The following TRMT11 variants were observed in gnomAD, a reference collection of about 807,000 sequenced individuals.
The protein encoded by TRMT11 is tRNA (guanine(10)-N(2))-methyltransferase TRMT11.
TRMT11 carries 53 observed loss-of-function variants against 62.8 expected under a neutral mutation model. That is an observed-to-expected ratio of 0.84 (90% confidence interval 0.68 to 1.06). The LOEUF (loss-of-function observed/expected upper bound fraction) is 1.06. TRMT11 is among the 50% of genes least tolerant of loss of function. TRMT11 has a pLI of 0.00. For missense variants in TRMT11, 556 were observed against 553.4 expected (o/e 1.00, Z -0.05); for synonymous variants, 188 against 190.3 (o/e 0.99, Z 0.10).
chr6:126,063,115 T>C (rs1490596808), intron 17 of TRMT11, among the ~76,000 whole-genome samples: 1 of 152,218 alleles, frequency 6.6e-6, no homozygotes, highest in Non-Finnish European at 1.5e-5. Context: ...AGTGAAAGTA[T>C]TCCAATGTCA....
At position 126,072,775 on chromosome 6, in the gene TRMT11, A is replaced by G. The variant is rs77011932; in HGVS notation, c.*1437+19585A>G. Among the ~76,000 whole-genome samples the G allele has an allele frequency of 5.1e-3, 782 of 152,260 alleles. 23 individuals carry two copies. The East Asian group carries it at 0.07, about 14-fold the overall frequency. On this transcript the variant is annotated intron_variant and NMD_transcript_variant, in intron 17 of 22. Coordinates refer to the TRMT11 transcript ENST00000648977. ...CAGATGTGTCTTATTGTATCCTCAC[A>G]TGGCAGAGAGCAGAGATCCTCTCTC...
chr6:126,023,703 G>A (rs1484462332), intron 12 of TRMT11, among the ~76,000 whole-genome samples: 1 of 152,092 alleles, frequency 6.6e-6, no homozygotes, highest in Admixed American at 6.5e-5. Context: ...ATAATATGTT[G>A]TATGTTGAAT....
chr6:126,206,785 C>A (rs113237189), downstream of TRMT11, among the ~76,000 whole-genome samples: 510 of 152,308 alleles, frequency 3.3e-3, 3 homozygotes, highest in African/African-American at 0.012. Context: ...TTAATCATTT[C>A]TTTAAGGGAA....
chr6:126,160,249 T>A (rs1778173392), intron 21 of TRMT11, among the ~76,000 whole-genome samples: 1 of 152,138 alleles, frequency 6.6e-6, no homozygotes, highest in Non-Finnish European at 1.5e-5. Flanking sequence ...CCTCACAAAG[T>A]GATTATATGC....
chr6:126,151,971 T>TTC, intron 21 of TRMT11, among the ~76,000 whole-genome samples: 1 of 83,110 alleles, frequency 1.2e-5, no homozygotes, highest in Non-Finnish European at 2.7e-5. Flanking sequence ...CTTTCTTTCC[T>TTC]CTCTCTCTCC....
chr6:126,085,777 C>A (rs868206861), intron 17 of TRMT11, among the ~76,000 whole-genome samples: 1 of 152,136 alleles, frequency 6.6e-6, no homozygotes, highest in Non-Finnish European at 1.5e-5. Context: ...TGTCAGTATA[C>A]GTTTGTCCAA....
At chr6:126,270,557 G>A in the TRMT11 span, among the ~76,000 whole-genome samples, 1 of 152,020 alleles carries the variant, frequency 6.6e-6, no homozygotes, top group Non-Finnish European at 1.5e-5. Flanking sequence ...TAAAAGTATT[G>A]TATCAATGTT....
At chr6:126,196,266 G>A (rs1223875634) in intron 1 of TRMT11, among the ~76,000 whole-genome samples, 3 of 152,064 alleles carry the variant, frequency 2.0e-5, no homozygotes, top group Admixed American at 6.5e-5. Context: ...GAAAACACAC[G>A]AAACAAGGAG....
chr6:126,100,347 C>G (rs1269757818), intron 17 of TRMT11, among the ~76,000 whole-genome samples: 2 of 152,160 alleles, frequency 1.3e-5, no homozygotes, highest in Non-Finnish European at 2.9e-5. Flanking sequence ...ATTTCAATAG[C>G]TGGAACCAAA....
chr6:126,006,611 C>T (rs1793394341), intron 7 of TRMT11, among the ~76,000 whole-genome samples: 1 of 148,862 alleles, frequency 6.7e-6, no homozygotes, highest in South Asian at 2.1e-4. Context: ...TTTTTTTTAG[C>T]ACCCCTTCTT....
In TRMT11 at chr6:126,045,771, C is replaced by T. The variant is rs569159183; in HGVS notation, c.*1369+4926C>T. On this transcript the variant is annotated intron_variant and NMD_transcript_variant, in intron 16 of 22. Transcript: ENST00000648977. ...AATCATTAGAACTTTGGCTGTTTTG[C>T]TTGGGACATATGGTGGCAGGGCACA... Among the ~76,000 whole-genome samples, 16 of 152,162 alleles carry T rather than the reference C, an allele frequency of 1.1e-4. 1 individual carries two copies. In the Middle Eastern group the frequency reaches 0.01, roughly 97 times the overall value.
chr6:126,127,551 C>A (rs1453187113), intron 21 of TRMT11, among the ~76,000 whole-genome samples: 2 of 151,596 alleles, frequency 1.3e-5, no homozygotes, highest in African/African-American at 4.8e-5. Context: ...ATGTGCACAA[C>A]GTGCAGGTTT....
Position 126,066,173 on chromosome 6 carries a change from C to T in TRMT11, c.*1437+12983C>T, listed in dbSNP as rs1461467955. Among the ~76,000 whole-genome samples, 3 of 152,338 alleles carry T rather than the reference C, an allele frequency of 2.0e-5. No individual in the cohort carries two copies. The South Asian group carries it at 6.2e-4, about 32-fold the overall frequency. ...CTCACTTTGAGCGCCAGGACCAAAG[C>T]TGACCTCTGCCTCCAGGCCAGGGTG... On this transcript the variant is annotated intron_variant and NMD_transcript_variant, in intron 17 of 22. Transcript: ENST00000648977.
chr6:126,035,519 T>G (rs1775023775), intron 12 of TRMT11, among the ~76,000 whole-genome samples: 1 of 152,140 alleles, frequency 6.6e-6, no homozygotes, highest in East Asian at 1.9e-4. Flanking sequence ...CTCTACTACC[T>G]GGGAAATAAG....
At chr6:126,102,754 T>C (rs1028542810) in intron 17 of TRMT11, among the ~76,000 whole-genome samples, 1 of 152,106 alleles carries the variant, frequency 6.6e-6, no homozygotes, top group Non-Finnish European at 1.5e-5. Context: ...TCTCTTCTAG[T>C]AAGTATAAAA....
In TRMT11 at chr6:126,038,875, G is replaced by T; in HGVS notation, c.*39G>T. On this transcript the variant is annotated 3_prime_UTR_variant, in exon 13 of 13. Coordinates refer to ENST00000334379, the MANE Select transcript of TRMT11 (RefSeq NM_001031712.3). ...GACAATGAAGAAAGAATAAGAATTT[G>T]ATTTAAAAAGACATCTGGATGTGAA... 6.5e-7 allele frequency: 1 copy of T among 1,533,174 alleles called. No individual in the cohort carries two copies. The highest frequency in any genetic ancestry group is 1.2e-5 in the South Asian group (1 of 80,418). 95.0% of individuals were successfully genotyped at this position (1,533,174 alleles called of 1,614,324 possible). A position where few individuals can be genotyped will look rare whatever the true frequency, so the allele number is the denominator to read the frequency against.
intron 7 of TRMT11, among the ~76,000 whole-genome samples, chr6:126,006,055 A>G (rs1440107296): frequency 2.0e-5 from 3 of 152,098 alleles, no homozygotes; most frequent in African/African-American, 7.2e-5. Context: ...AAATGGGGAG[A>G]AAAAGAGAAG....
chr6:126,183,904 C>T (rs1220429313), intron 1 of TRMT11, among the ~76,000 whole-genome samples: 3 of 152,200 alleles, frequency 2.0e-5, no homozygotes, highest in Admixed American at 1.3e-4. Context: ...TAGTGCGAGT[C>T]GCAGCTCTAG....
upstream of TRMT11, among the ~76,000 whole-genome samples, chr6:126,174,583 T>G (rs1240061332): frequency 6.6e-6 from 1 of 152,258 alleles, no homozygotes; most frequent in Non-Finnish European, 1.5e-5. Context: ...CAGAGGTGTT[T>G]ATTCCCTGGC....
Sources: gnomAD v4.1 joint callset for allele counts (sites outside exome capture counted in the v4.1 genomes callset) on GRCh38, gnomAD v4.1.1 for gene constraint, MANE v1.5 for transcripts, NCBI Gene and HGNC (gene_info 2026-07-23, HGNC 2026-07-21) for gene names.